Variants in PCYOX1 observed in about 807,000 individuals in gnomAD.
The protein encoded by PCYOX1 is prenylcysteine oxidase 1, also known as prenylcysteine lyase.
PCYOX1 carries 46 observed loss-of-function variants against 46.4 expected under a neutral mutation model. The observed-to-expected ratio is 0.99, with a 90% CI of 0.78 to 1.27. PCYOX1 has a LOEUF of 1.27. PCYOX1 is among the 50% of genes most tolerant of loss of function. The pLI is 0.00. For synonymous variants in PCYOX1, 220 were observed against 231.8 expected, an observed-to-expected ratio of 0.95 and a Z score of 0.46; for missense variants, 658 against 628.3, an observed-to-expected ratio of 1.05 and a Z score of -0.51.
At position 70,275,058 on chromosome 2, in the gene PCYOX1, A is replaced by T. The variant is rs775797895; in HGVS notation, c.594A>T (p.Thr198=). 1 of 1,613,928 alleles carries T rather than the reference A, an allele frequency of 6.2e-7. No individual in the cohort carries two copies. ...GDDFLGMLNR[T]LLETLQKAGF... is the part of the protein sequence containing the mutation. ...ACTTCCTTGGAATGCTTAATCGAACACTTCTTGAAACCTTGCAAAAGGCCG... is the reference window on the plus strand; with the variant it reads ...ACTTCCTTGGAATGCTTAATCGAACTCTTCTTGAAACCTTGCAAAAGGCCG... The change falls in exon 4 of 6, where the codon ACA becomes ACT. Residue 198 remains threonine (T), a synonymous_variant. Coordinates refer to ENST00000433351, the MANE Select transcript of PCYOX1 (RefSeq NM_016297.4).
chr2:70,259,437 G>C lies in PCYOX1; in HGVS notation c.190G>C (p.Asp64His), dbSNP rs2104887431. 6.2e-7 allele frequency: 1 copy of C among 1,614,176 alleles called. No homozygotes were observed. Among genetic ancestry groups the C allele is most frequent in the South Asian group, 1.1e-5 (1 of 91,082 alleles). ...GAAATTTGGGAAAGATGTGAAGATA[G>C]ACCTGTTTGAAAGAGAAGAGGTCGG... ...RQKFGKDVKI[D>H]LFEREEVGGR... Residue 64 changes from aspartate to histidine, a missense_variant, in exon 2 of 6, where the codon GAC (aspartate) becomes CAC (histidine). By Grantham distance (81) the Asp-to-His change is moderately conservative. Transcript: ENST00000433351.
intron 3 of PCYOX1, among the ~76,000 whole-genome samples, chr2:70,263,767 C>G (rs949828123): frequency 2.7e-5 from 4 of 149,044 alleles, no homozygotes; most frequent in Admixed American, 6.7e-5. Context: ...TCAAGTGATT[C>G]TCCTGCCTCA....
intron 1 of PCYOX1, among the ~76,000 whole-genome samples, chr2:70,258,678 C>T (rs1209856741): frequency 6.6e-6 from 1 of 152,224 alleles, no homozygotes; most frequent in Non-Finnish European, 1.5e-5. Context: ...GATTAACAGG[C>T]TCACGCAGGC....
intron 3 of PCYOX1, among the ~76,000 whole-genome samples, chr2:70,272,808 A>G (rs1055600186): frequency 6.6e-6 from 1 of 151,794 alleles, no homozygotes; most frequent in African/African-American, 2.4e-5. Context: ...AGCAATTCTC[A>G]TGCCTCAGCC....
intron 3 of PCYOX1, among the ~76,000 whole-genome samples, chr2:70,263,045 C>A (rs959871218): frequency 6.6e-6 from 1 of 152,022 alleles, no homozygotes; most frequent in Non-Finnish European, 1.5e-5. Flanking sequence ...ACCAGCCTGA[C>A]CAACATGGTA....
chr2:70,276,357 C>T (rs914246423), intron 5 of PCYOX1, among the ~76,000 whole-genome samples: 7 of 151,754 alleles, frequency 4.6e-5, no homozygotes, highest in Non-Finnish European at 7.4e-5. Context: ...TAGGCGCCTG[C>T]CACCGCGCTC....
At chr2:70,266,369 G>A (rs987124637) in intron 3 of PCYOX1, among the ~76,000 whole-genome samples, 3 of 152,126 alleles carry the variant, frequency 2.0e-5, no homozygotes, top group Non-Finnish European at 4.4e-5. Flanking sequence ...TTCCCTCAGA[G>A]CTTCTAGAAG....
Position 70,261,265 on chromosome 2 carries a change from ACT to A in PCYOX1, c.376_377del (p.Leu126GlyfsTer3). 6 of 1,611,322 alleles carry A rather than the reference ACT, an allele frequency of 3.7e-6. No individual in the cohort carries two copies. Among genetic ancestry groups the A allele is most frequent in the East Asian group, 2.2e-5 (1 of 44,868 alleles). On this transcript the variant is annotated frameshift_variant, in exon 3 of 6. Transcript: ENST00000433351. LOFTEE classifies it high-confidence loss of function. ...CCTACTGGGGATATATAATGGAGAG[ACT>A]CTGGTATTTGAGGAGAGCAACTGGT... ...GGLLGIYNGE[T>X]LVFEESNWFI...
intron 3 of PCYOX1, among the ~76,000 whole-genome samples, chr2:70,269,813 T>A (rs149186301): frequency 1.4e-3 from 220 of 152,260 alleles, no homozygotes; most frequent in Non-Finnish European, 2.7e-3. Context: ...AGACAAGCCT[T>A]CAGGATAGAG....
Position 70,275,679 on chromosome 2 carries a change from T to TTCCG in PCYOX1, c.859+15_859+16insCGTC. ...ACCAAGTACACAGGTAAGCTTGAAT[T>TTCCG]TCTTATTGTTCCTGATATCCCCTGC... On this transcript the variant is annotated intron_variant, in intron 5 of 5. Transcript: ENST00000433351. 1 of 1,611,538 alleles carries TTCCG rather than the reference T, an allele frequency of 6.2e-7. No homozygotes were observed. Among genetic ancestry groups the TTCCG allele is most frequent in the Non-Finnish European group, 8.5e-7 (1 of 1,177,836 alleles).
chr2:70,276,418 G>T (rs558036827), intron 5 of PCYOX1, among the ~76,000 whole-genome samples: 3 of 152,236 alleles, frequency 2.0e-5, no homozygotes, highest in African/African-American at 7.2e-5. Context: ...ATGTTAGCCA[G>T]GATGGTCTCG....
Position 70,280,945 on chromosome 2 carries a change from T to C in PCYOX1, c.*3553T>C, listed in dbSNP as rs965276843. On this transcript the variant is annotated 3_prime_UTR_variant, in exon 6 of 6. Coordinates refer to ENST00000433351, the MANE Select transcript of PCYOX1 (RefSeq NM_016297.4). ...GTCTTTAAGCATTTGCTTGGTAAGGTTTCTTAAGATTAGGTTTATAATACA... is the reference window on the plus strand; with the variant it reads ...GTCTTTAAGCATTTGCTTGGTAAGGCTTCTTAAGATTAGGTTTATAATACA... The C allele has an allele frequency of 6.6e-6, 1 of 152,162 alleles. No homozygotes were observed. The highest frequency in any genetic ancestry group is 6.5e-5 in the Admixed American group (1 of 15,270). The allele number at this position is 152,162 out of a possible 1,614,324, so 9.4% of individuals were successfully genotyped here.
chr2:70,258,193 C>A lies in PCYOX1; in HGVS notation c.29C>A (p.Ser10Tyr). The change falls in exon 1 of 6, where the codon TCC (serine) becomes TAC (tyrosine). Residue 10 changes from serine (S) to tyrosine (Y), a missense_variant. Ser to Tyr is a moderately radical substitution (Grantham distance 144). Transcript: ENST00000433351. Reference protein sequence around the residue: MGRVVAELVSSLLGLWLLLC... With the variant: MGRVVAELVYSLLGLWLLLC... Reference sequence around the variant, plus strand: ...GGGCGCGTCGTCGCGGAGCTCGTCTCCTCGCTGCTGGGGTTGTGGCTGTTG... The same window carrying A: ...GGGCGCGTCGTCGCGGAGCTCGTCTACTCGCTGCTGGGGTTGTGGCTGTTG... 6.3e-7 allele frequency: 1 copy of A among 1,598,554 alleles called. No homozygotes were observed. The highest frequency in any genetic ancestry group is 1.7e-5 in the Admixed American group (1 of 59,602).
intron 2 of PCYOX1, among the ~76,000 whole-genome samples, chr2:70,260,627 C>T (rs1360347723): frequency 1.3e-5 from 2 of 152,176 alleles, no homozygotes; most frequent in Non-Finnish European, 2.9e-5. Flanking sequence ...CAACTGCTGC[C>T]CTGACAGCAG....
At chr2:70,266,611 C>G (rs566511648) in intron 3 of PCYOX1, among the ~76,000 whole-genome samples, 19 of 152,126 alleles carry the variant, frequency 1.2e-4, no homozygotes, top group Non-Finnish European at 7.4e-5. Context: ...AGGGCCCTGC[C>G]GCCTTCCGCA....
At position 70,279,091 on chromosome 2, in the gene PCYOX1, T is replaced by TA. The variant is rs398060282; in HGVS notation, c.*1711dup. The TA allele has an allele frequency of 4.3e-4, 63 of 146,118 alleles. No individual in the cohort carries two copies. The highest frequency in any genetic ancestry group is 1.8e-3 in the East Asian group (9 of 5,062). 9.1% of individuals were successfully genotyped at this position (146,118 alleles called of 1,614,324 possible). The stretch of plus-strand genomic sequence containing the variant: ...CCAGCCTGGGCAACAGAGACCATCT[T>TA]AAAAAAAAAAAATCCTTCCATTGAA... On this transcript the variant is annotated 3_prime_UTR_variant, in exon 6 of 6. Transcript: ENST00000433351.
In PCYOX1 at chr2:70,278,247, C is replaced by G. The variant is rs78400199; in HGVS notation, c.*855C>G. The stretch of plus-strand genomic sequence containing the variant: ...AGCTTTTAAAAATACTGAGACCCCC[C>G]CATAACCAGAGATTCAGATTCAAAG... On this transcript the variant is annotated 3_prime_UTR_variant, in exon 6 of 6. Transcript: ENST00000433351. 1 of 152,558 alleles carries G rather than the reference C, an allele frequency of 6.6e-6. No homozygotes were observed. Among genetic ancestry groups the G allele is most frequent in the African/African-American group, 2.4e-5 (1 of 41,408 alleles). The allele number at this position is 152,558 out of a possible 1,614,324, so 9.5% of individuals were successfully genotyped here.
chr2:70,270,156 G>C (rs914388818), intron 3 of PCYOX1, among the ~76,000 whole-genome samples: 4 of 151,908 alleles, frequency 2.6e-5, no homozygotes, highest in Admixed American at 6.6e-5. Context: ...CACCACACCT[G>C]GCTAATTTTT....
chr2:70,275,600 T>C lies in PCYOX1; in HGVS notation c.793T>C (p.Ser265Pro), dbSNP rs766013474. The change falls in exon 5 of 6, where the codon TCC becomes CCC. Residue 265 changes from serine to proline, a missense_variant. Ser to Pro is a moderately conservative substitution (Grantham distance 74, BLOSUM62 -1). Coordinates refer to ENST00000433351, the MANE Select transcript of PCYOX1 (RefSeq NM_016297.4). ...KLVCSGLLQA[S>P]KSNLISGSVM... ...TGTTTGCTCAGGGCTTCTGCAGGCA[T>C]CCAAAAGCAATCTTATATCTGGCTC... is the stretch of plus-strand genomic sequence containing the variant. The C allele has an allele frequency of 6.2e-7, 1 of 1,614,102 alleles. No homozygotes were observed. The highest frequency in any genetic ancestry group is 1.1e-5 in the South Asian group (1 of 91,086).
Sources: gnomAD v4.1 joint callset for allele counts (sites outside exome capture counted in the v4.1 genomes callset) on GRCh38, gnomAD v4.1.1 for gene constraint, MANE v1.5 for transcripts, NCBI Gene and HGNC (gene_info 2026-07-23, HGNC 2026-07-21) for gene names.